AOPEP: variants seen among roughly 807,000 people sequenced by gnomAD.
The protein encoded by AOPEP is aminopeptidase O.
AOPEP carries 77 observed loss-of-function variants against 98.1 expected under a neutral mutation model. The observed-to-expected ratio is 0.78, with a 90% confidence interval of 0.65 to 0.95. The LOEUF (loss-of-function observed/expected upper bound fraction) is 0.95. Ranked by LOEUF, AOPEP falls within the 40% of genes least tolerant of loss-of-function variation. The pLI, the probability that AOPEP is intolerant of heterozygous loss-of-function variation, is 0.00. For synonymous variants in AOPEP, 346 were observed against 365.3 expected (o/e 0.95, Z 0.60); for missense variants, 1,024 against 1,024.7 (o/e 1.00, Z 0.01).
At chr9:94,740,611 AT>A (rs1832850142) in intron 1 of AOPEP, among the ~76,000 whole-genome samples, 1 of 152,180 alleles carries the variant, frequency 6.6e-6, no homozygotes, top group African/African-American at 2.4e-5. Context: ...AGCTTAGTAA[AT>A]AAGGCCTGCA....
At chr9:95,045,793 C>T (rs2065811005) in intron 13 of AOPEP, among the ~76,000 whole-genome samples, 1 of 152,224 alleles carries the variant, frequency 6.6e-6, no homozygotes. Context: ...AACGTAGCTC[C>T]CCTAACCCTC....
chr9:94,878,636 G>A (rs1011894233), intron 5 of AOPEP, among the ~76,000 whole-genome samples: 1 of 152,140 alleles, frequency 6.6e-6, no homozygotes, highest in South Asian at 2.1e-4. Context: ...AGGGGCATAC[G>A]TTTCCAGTGA....
intron 5 of AOPEP, among the ~76,000 whole-genome samples, chr9:94,866,771 T>C (rs901600417): frequency 6.6e-5 from 10 of 152,232 alleles, no homozygotes; most frequent in Non-Finnish European, 1.5e-4. Context: ...GCTTATTGGT[T>C]GATTAAAAAT....
At chr9:94,904,720 G>C (rs746901134) in intron 5 of AOPEP, 1 of 152,202 alleles carries the variant, frequency 6.6e-6, no homozygotes, top group African/African-American at 2.4e-5. Context: ...CAAATTATTA[G>C]CAATAGGTAT....
the AOPEP span, among the ~76,000 whole-genome samples, chr9:95,141,309 C>A: frequency 3.6e-5 from 2 of 55,750 alleles, no homozygotes; most frequent in East Asian, 6.3e-4. Context: ...GAGACCCTGT[C>A]TCAAAAAAAA....
chr9:94,771,431 G>A (rs966655242), intron 2 of AOPEP, among the ~76,000 whole-genome samples: 2 of 152,088 alleles, frequency 1.3e-5, no homozygotes, highest in Non-Finnish European at 2.9e-5. Context: ...ATCTTTCCCT[G>A]CCCCATGTCA....
intron 11 of AOPEP, among the ~76,000 whole-genome samples, chr9:94,990,802 A>G (rs1191468242): frequency 6.6e-6 from 1 of 151,718 alleles, no homozygotes; most frequent in Non-Finnish European, 1.5e-5. Context: ...AATTTTTTGT[A>G]TTTTTAGTAG....
chr9:94,959,913 T>G (rs1018985771), intron 9 of AOPEP, among the ~76,000 whole-genome samples: 1 of 152,204 alleles, frequency 6.6e-6, no homozygotes, highest in African/African-American at 2.4e-5. Flanking sequence ...TTAAATTTTC[T>G]TTTACTTGAA....
At chr9:95,111,915 T>C in the AOPEP span, among the ~76,000 whole-genome samples, 1 of 152,100 alleles carries the variant, frequency 6.6e-6, no homozygotes, top group African/African-American at 2.4e-5. Context: ...GGACAGGCAC[T>C]GAAGAAGGAA....
chr9:94,891,423 G>A (rs1183594933), intron 5 of AOPEP, among the ~76,000 whole-genome samples: 1 of 151,822 alleles, frequency 6.6e-6, no homozygotes, highest in African/African-American at 2.4e-5. Context: ...GATATGCTAG[G>A]GCTTAAGTTA....
intron 11 of AOPEP, among the ~76,000 whole-genome samples, chr9:95,000,730 C>A (rs1279439860): frequency 2.0e-5 from 3 of 152,014 alleles, no homozygotes; most frequent in African/African-American, 7.3e-5. Flanking sequence ...ATAAATAAAC[C>A]AAATTTAAAG....
chr9:94,800,942 C>T lies in AOPEP; in HGVS notation c.1304C>T (p.Pro435Leu), dbSNP rs780721890. ...GCACATTCTGTTCTGGGAGCACACC[C>T]GTTCTCTCGGCTGGATGTTCTCATC... ...SAAHSVLGAH[P>L]FSRLDVLIVP... The change falls in exon 5 of 17, where the codon CCG becomes CTG. Residue 435 changes from proline (P) to leucine (L), a missense_variant. Physicochemically the swap from Pro to Leu is moderately conservative, Grantham distance 98. This residue lies in a region of AOPEP where 566 missense variants were observed against 551.7 expected (regional missense o/e 1.03). Transcript: ENST00000375315. 22 of 1,614,064 alleles carry T rather than the reference C, an allele frequency of 1.4e-5. No individual in the cohort carries two copies. The highest frequency in any genetic ancestry group is 1.2e-4 in the South Asian group (11 of 91,088).
chr9:94,834,389 A>C (rs2041286474), intron 5 of AOPEP, among the ~76,000 whole-genome samples: 1 of 152,202 alleles, frequency 6.6e-6, no homozygotes, highest in Non-Finnish European at 1.5e-5. Context: ...ATAAACAAAC[A>C]TTTATGAGCT....
At chr9:94,789,423 C>T (rs949770343) in intron 3 of AOPEP, among the ~76,000 whole-genome samples, 1 of 152,160 alleles carries the variant, frequency 6.6e-6, no homozygotes, top group Non-Finnish European at 1.5e-5. Context: ...TGACAGACCA[C>T]AGCCCTTTGA....
At chr9:95,101,896 C>G in the AOPEP span, 1 of 1,611,264 alleles carries the variant, frequency 6.2e-7, no homozygotes, top group Non-Finnish European at 8.5e-7. Flanking sequence ...ACTTTCCAGA[C>G]AGATTTGTCC....
At chr9:94,882,754 C>G (rs544305627) in intron 5 of AOPEP, among the ~76,000 whole-genome samples, 1 of 152,248 alleles carries the variant, frequency 6.6e-6, no homozygotes, top group East Asian at 1.9e-4. Context: ...CCAGCCTGGG[C>G]GTCGCGAGAC....
At chr9:94,739,631 C>T (rs1240671194) in intron 1 of AOPEP, among the ~76,000 whole-genome samples, 2 of 141,492 alleles carry the variant, frequency 1.4e-5, no homozygotes, top group African/African-American at 5.3e-5. Flanking sequence ...GGGACAAGAG[C>T]GAAACTTCGT....
At chr9:95,096,496 C>A in the AOPEP span, among the ~76,000 whole-genome samples, 1 of 152,188 alleles carries the variant, frequency 6.6e-6, no homozygotes, top group Non-Finnish European at 1.5e-5. Context: ...AGGGTCTTCA[C>A]ACCGCCAGTG....
chr9:94,735,710 T>C (rs1403976439), intron 1 of AOPEP, among the ~76,000 whole-genome samples: 1 of 152,216 alleles, frequency 6.6e-6, no homozygotes, highest in Admixed American at 6.5e-5. Flanking sequence ...TTTAAAAGAA[T>C]ATAATTTATT....
Sources: allele counts gnomAD v4.1 joint callset (sites outside exome capture counted in the v4.1 genomes callset), GRCh38; gene constraint gnomAD v4.1.1; regional missense constraint gnomAD v4.1.1; transcripts MANE v1.5; gene names NCBI Gene and HGNC (gene_info 2026-07-23, HGNC 2026-07-21).